Variants in IDE observed in about 807,000 individuals in gnomAD.
The protein encoded by IDE is insulin-degrading enzyme.
IDE carries 58 observed loss-of-function variants against 133.2 expected under a neutral mutation model. The ratio of observed to expected loss-of-function variants is 0.44; its 90% CI spans 0.35 to 0.54. IDE has a LOEUF of 0.54. Among genes scored for constraint, IDE ranks in the 20% least tolerant of loss-of-function variants. IDE has a pLI of 0.00. For missense variants in IDE, 981 were observed against 1,234.0 expected (o/e 0.79, Z 3.07); for synonymous variants, 396 against 421.3 (o/e 0.94, Z 0.73).
In IDE at chr10:92,530,299, T is replaced by C. The variant is rs767268359; in HGVS notation, c.661+1449A>G. Among the ~76,000 whole-genome samples the C allele has an allele frequency of 8.6e-5, 13 of 150,294 alleles. 1 individual carries two copies. Among genetic ancestry groups the C allele is most frequent in the African/African-American group, 1.2e-4 (5 of 40,938 alleles). ...TGCTTTTGAAAAAACAAAAAAAAAG[T>C]TGTTGTTTTTTTTTTGAGACAGGGT... On this transcript the variant is annotated intron_variant, in intron 4 of 24. Coordinates refer to ENST00000265986, the MANE Select transcript of IDE (RefSeq NM_004969.4).
At chr10:92,485,512 C>T (rs959896133) in intron 13 of IDE, among the ~76,000 whole-genome samples, 21 of 152,134 alleles carry the variant, frequency 1.4e-4, no homozygotes, top group African/African-American at 2.2e-4. Context: ...AACAAATAAG[C>T]TACTTATCTT....
rs1253070894 is a variant in IDE, at chr10:92,573,993, C to CAAA, written c.26_27insTTT (p.Leu9dup). Reference sequence around the variant, plus strand: ...GGAAGGTGCTGGGCAGTGCGGGGTGCAGAAGCCACGCTAGCCGGTACCGCA... The same window carrying CAAA: ...GGAAGGTGCTGGGCAGTGCGGGGTGCAAAAGAAGCCACGCTAGCCGGTACCGCA... On this transcript the variant is annotated inframe_insertion, in exon 1 of 25. Transcript: ENST00000265986. 5 of 1,510,658 alleles carry CAAA rather than the reference C, an allele frequency of 3.3e-6. No individual in the cohort carries two copies. In the African/African-American group the frequency reaches 7.2e-5, roughly 22 times the overall value. The allele number at this position is 1,510,658 out of a possible 1,614,324, so 93.6% of individuals were successfully genotyped here. A position where few individuals can be genotyped will look rare whatever the true frequency, so the allele number is the denominator to read the frequency against.
chr10:92,551,514 G>A (rs1842777423), intron 1 of IDE, among the ~76,000 whole-genome samples: 1 of 149,384 alleles, frequency 6.7e-6, no homozygotes, highest in Non-Finnish European at 1.5e-5. Flanking sequence ...GTTGCAGTTA[G>A]GCAAGACTGC....
rs144328048 is a variant in IDE at position 92,491,199 on chromosome 10, C to T, written c.1431-604G>A. ...GCTGCAGTAGGCTAGAATCACACCA[C>T]TGCACTCTAGCATGGGTGACAAATC... is the stretch of plus-strand genomic sequence containing the variant. On this transcript the variant is annotated intron_variant, in intron 11 of 24. Coordinates refer to ENST00000265986, the MANE Select transcript of IDE (RefSeq NM_004969.4). 2.6e-3 allele frequency among the ~76,000 whole-genome samples: 397 copies of T among 151,530 alleles called. 1 individual carries two copies. Among genetic ancestry groups the T allele is most frequent in the Non-Finnish European group, 3.9e-3 (266 of 67,906 alleles).
At chr10:92,529,393 A>T (rs1207413326) in intron 4 of IDE, among the ~76,000 whole-genome samples, 4 of 152,050 alleles carry the variant, frequency 2.6e-5, no homozygotes, top group Non-Finnish European at 4.4e-5. Flanking sequence ...CTTATATCAC[A>T]TTTTCTGTAC....
chr10:92,454,942 A>G (rs1844912866), intron 24 of IDE, among the ~76,000 whole-genome samples: 1 of 152,082 alleles, frequency 6.6e-6, no homozygotes, highest in Non-Finnish European at 1.5e-5. Flanking sequence ...CAATCCTTCT[A>G]GATGATTAAA....
chr10:92,549,959 A>C (rs972754954), intron 1 of IDE, among the ~76,000 whole-genome samples: 4 of 152,134 alleles, frequency 2.6e-5, no homozygotes, highest in Non-Finnish European at 2.9e-5. Context: ...ACCTGAGGTC[A>C]GGAGTTCAAG....
rs763810453 is a variant in IDE at position 92,537,554 on chromosome 10, AAAAG to A, written c.99-8_99-5del. 12 of 1,579,078 alleles carry A rather than the reference AAAAG, an allele frequency of 7.6e-6. No homozygotes were observed. Among genetic ancestry groups the A allele is most frequent in the African/African-American group, 1.4e-5 (1 of 73,344 alleles). On this transcript the variant is annotated splice_region_variant and splice_polypyrimidine_tract_variant and intron_variant, in intron 1 of 24. Transcript: ENST00000265986. The stretch of plus-strand genomic sequence containing the variant: ...GCTGTAAGTCTTTTTTTGGAAACTG[AAAAG>A]AAAGAGATTTTTAATTGTTGATTTG...
intron 5 of IDE, among the ~76,000 whole-genome samples, chr10:92,510,870 A>G (rs1424989542): frequency 6.6e-6 from 1 of 151,030 alleles, no homozygotes. Flanking sequence ...CATATATATC[A>G]CATACATGAT....
chr10:92,561,265 AT>A (rs1404408370), intron 1 of IDE, among the ~76,000 whole-genome samples: 3 of 145,690 alleles, frequency 2.1e-5, no homozygotes, highest in African/African-American at 7.3e-5. Flanking sequence ...TAAAAAAAAA[AT>A]AAATAAGTAA....
At chr10:92,540,219 G>A (rs1353047027) in intron 1 of IDE, among the ~76,000 whole-genome samples, 1 of 151,738 alleles carries the variant, frequency 6.6e-6, no homozygotes, top group Non-Finnish European at 1.5e-5. Context: ...CTCCAGCCTG[G>A]GCGCAACAGA....
At chr10:92,485,772 A>T (rs982212081) in intron 13 of IDE, among the ~76,000 whole-genome samples, 3 of 152,030 alleles carry the variant, frequency 2.0e-5, no homozygotes, top group African/African-American at 7.2e-5. Flanking sequence ...GCAAGATCCC[A>T]TCTCTACAAA....
intron 7 of IDE, among the ~76,000 whole-genome samples, 168 bp from the exon 8 acceptor site, chr10:92,508,373 A>C (rs1848409462): frequency 1.3e-5 from 2 of 152,170 alleles, no homozygotes; most frequent in Admixed American, 1.3e-4. Context: ...AAGATGGTGC[A>C]GAAGTGGGGG....
intron 1 of IDE, among the ~76,000 whole-genome samples, chr10:92,552,857 C>CGAAAAAAAAAAAAAAAAA (rs1842846016): frequency 1.2e-4 from 6 of 49,390 alleles, no homozygotes; most frequent in Non-Finnish European, 2.1e-4. Context: ...GACTCAGTCT[C>CGAAAAAAAAAAAAAAAAA]AAAAAAAAAA....
At chr10:92,462,848 A>G (rs1845468502) in intron 21 of IDE, among the ~76,000 whole-genome samples, 1 of 152,230 alleles carries the variant, frequency 6.6e-6, no homozygotes. Flanking sequence ...TACACGGCAA[A>G]TGCTCAATAA....
chr10:92,573,062 G>A, intron 1 of IDE: 1 of 985,392 alleles, frequency 1.0e-6, no homozygotes, highest in Non-Finnish European at 1.2e-6. Flanking sequence ...AACCAGCAGG[G>A]GTTCAAATAA....
chr10:92,508,691 T>A (rs1412084968), intron 7 of IDE, 37 bp downstream of exon 7: 1 of 1,584,918 alleles, frequency 6.3e-7, no homozygotes, highest in Non-Finnish European at 8.7e-7. Flanking sequence ...TGAAAAGATG[T>A]GGTGGACACT....
chr10:92,490,901 A>C (rs1187440431), intron 11 of IDE, among the ~76,000 whole-genome samples: 1 of 152,202 alleles, frequency 6.6e-6, no homozygotes, highest in African/African-American at 2.4e-5. Context: ...AAAAAATGTA[A>C]CAAGGTCAGT....
Position 92,456,359 on chromosome 10 carries a change from A to C in IDE, c.2896T>G (p.Cys966Gly), listed in dbSNP as rs1661607467. Residue 966 changes from cysteine (C) to glycine (G), a missense_variant and splice_region_variant, in exon 23 of 25, where the codon TGT becomes GGT. Coordinates refer to ENST00000265986, the MANE Select transcript of IDE (RefSeq NM_004969.4). ...VHVLAREMDS[C>G]PVVGEFPCQN... ...TAAAAAGGCAACATTTGATACTTACAAGAATCCATTTCCCTGGCAAGAACA... is the reference window on the plus strand; with the variant it reads ...TAAAAAGGCAACATTTGATACTTACCAGAATCCATTTCCCTGGCAAGAACA... 2 of 1,610,650 alleles carry C rather than the reference A, an allele frequency of 1.2e-6. No individual in the cohort carries two copies. Among genetic ancestry groups the C allele is most frequent in the African/African-American group, 2.7e-5 (2 of 74,854 alleles).
Sources: gnomAD v4.1 joint callset for allele counts (sites outside exome capture counted in the v4.1 genomes callset) on GRCh38, gnomAD v4.1.1 for gene constraint, MANE v1.5 for transcripts, NCBI Gene and HGNC (gene_info 2026-07-23, HGNC 2026-07-21) for gene names.